The following SAMD4A variants were observed in gnomAD, a reference collection of about 807,000 sequenced individuals.
The protein encoded by SAMD4A is sterile alpha motif domain containing 4A.
A neutral mutation model predicts 81.3 loss-of-function variants in SAMD4A; 33 were observed. That is an observed-to-expected ratio of 0.41 (90% CI 0.31 to 0.54). The LOEUF (loss-of-function observed/expected upper bound fraction) is 0.54. Ranked by LOEUF, SAMD4A falls within the 20% of genes least tolerant of loss-of-function variation. The pLI is 0.37. For missense variants in SAMD4A, 854 were observed against 951.1 expected (o/e 0.90, Z 1.34); for synonymous variants, 389 against 382.1 (o/e 1.02, Z -0.21).
At chr14:54,705,476 T>TA in intron 3 of SAMD4A, among the ~76,000 whole-genome samples, 1 of 152,232 alleles carries the variant, frequency 6.6e-6, no homozygotes, top group Non-Finnish European at 1.5e-5. Context: ...AATATGATGT[T>TA]AAAAACAAAT....
intron 2 of SAMD4A, 126 bp downstream of exon 2, chr14:54,568,238 C>T (rs2033004437): frequency 2.3e-6 from 2 of 864,014 alleles, no homozygotes; most frequent in Non-Finnish European, 3.3e-6. Context: ...ACGGCGTGGC[C>T]CCGAGGCCCT....
chr14:54,574,322 A>G (rs2033222930), intron 2 of SAMD4A, among the ~76,000 whole-genome samples: 1 of 152,240 alleles, frequency 6.6e-6, no homozygotes. Context: ...TGGATTGGGC[A>G]GTCTGAGAAG....
chr14:54,773,226 T>C (rs1048565730), intron 9 of SAMD4A, among the ~76,000 whole-genome samples: 1 of 152,296 alleles, frequency 6.6e-6, no homozygotes, highest in East Asian at 1.9e-4. Flanking sequence ...AGATCTGCAC[T>C]GCTGGCTCAG....
In SAMD4A at chr14:54,747,392, C is replaced by G. The variant is rs75510267; in HGVS notation, c.980-1423C>G. On this transcript the variant is annotated intron_variant, in intron 4 of 12. Transcript: ENST00000554335. ...AGGAGATTATCCCATACCCGCATTCCCTAAACCTAGAGTTGGTTCACTCAG... is the reference window on the plus strand; with the variant it reads ...AGGAGATTATCCCATACCCGCATTCGCTAAACCTAGAGTTGGTTCACTCAG... Among the ~76,000 whole-genome samples the G allele has an allele frequency of 5.2e-3, 792 of 152,320 alleles. 3 individuals are homozygous for G. The highest frequency in any genetic ancestry group is 8.4e-3 in the Non-Finnish European group (572 of 68,032).
chr14:54,597,560 A>G (rs1594711911), intron 2 of SAMD4A, among the ~76,000 whole-genome samples: 1 of 142,488 alleles, frequency 7.0e-6, no homozygotes, highest in Admixed American at 7.1e-5. Context: ...AGTGTGAGCC[A>G]CCGCACCCGG....
chr14:54,727,307 AG>A (rs1238495168), intron 3 of SAMD4A, among the ~76,000 whole-genome samples: 4 of 148,346 alleles, frequency 2.7e-5, no homozygotes, highest in Admixed American at 1.4e-4. Flanking sequence ...CTCCTGCCTC[AG>A]CCCCCCGAGT....
intron 2 of SAMD4A, among the ~76,000 whole-genome samples, chr14:54,587,364 C>T (rs2033651500): frequency 6.6e-6 from 1 of 152,150 alleles, no homozygotes; most frequent in African/African-American, 2.4e-5. Flanking sequence ...ACAATCATAT[C>T]ATCAGCAAAC....
intron 6 of SAMD4A, among the ~76,000 whole-genome samples, chr14:54,759,283 C>T (rs1299491445): frequency 6.6e-6 from 1 of 152,204 alleles, no homozygotes; most frequent in East Asian, 1.9e-4. Flanking sequence ...GGCCCAAGGC[C>T]TCCAGGCTCA....
chr14:54,654,038 G>A (rs1023163544), intron 2 of SAMD4A, among the ~76,000 whole-genome samples: 2 of 152,202 alleles, frequency 1.3e-5, no homozygotes, highest in African/African-American at 4.8e-5. Flanking sequence ...AGACACAAAC[G>A]ATGGAGTACA....
chr14:54,568,810 G>A (rs888795062), intron 2 of SAMD4A, among the ~76,000 whole-genome samples: 3 of 146,780 alleles, frequency 2.0e-5, no homozygotes, highest in African/African-American at 7.6e-5. Flanking sequence ...AAAGGGTCTT[G>A]GAGAAAGGAC....
rs763570013 is a variant in SAMD4A at position 54,630,597 on chromosome 14, G to A, written c.196+62485G>A. Among the ~76,000 whole-genome samples the A allele has an allele frequency of 5.3e-5, 8 of 152,210 alleles. No homozygotes were observed. In the East Asian group the frequency reaches 7.7e-4, roughly 15 times the overall value. On this transcript the variant is annotated intron_variant, in intron 2 of 12. Transcript: ENST00000554335. ...AGTATTAACCCCTTATCAGATATAC[G>A]TATGAGTCTTTAGCTTTTAAGCTGT...
intron 2 of SAMD4A, among the ~76,000 whole-genome samples, chr14:54,692,604 A>G (rs1222259010): frequency 2.0e-5 from 3 of 152,180 alleles, no homozygotes; most frequent in African/African-American, 4.8e-5. Flanking sequence ...TTAAGGTACT[A>G]TTGGAGTGTC....
chr14:54,600,406 C>T (rs1224442775), intron 2 of SAMD4A, among the ~76,000 whole-genome samples: 1 of 152,150 alleles, frequency 6.6e-6, no homozygotes, highest in African/African-American at 2.4e-5. Context: ...AACAAATCTT[C>T]ATTAAGTTCA....
chr14:54,604,440 G>A (rs1293973881), intron 2 of SAMD4A, among the ~76,000 whole-genome samples: 1 of 152,214 alleles, frequency 6.6e-6, no homozygotes, highest in Non-Finnish European at 1.5e-5. Flanking sequence ...GTGATATTAG[G>A]TAAGGGGAGA....
At chr14:54,634,220 A>G (rs945486587) in intron 2 of SAMD4A, among the ~76,000 whole-genome samples, 4 of 132,022 alleles carry the variant, frequency 3.0e-5, no homozygotes, top group Admixed American at 9.2e-5. Context: ...TGGGAGGCAG[A>G]GGTTGCAGTG....
intron 2 of SAMD4A, among the ~76,000 whole-genome samples, chr14:54,580,177 C>A (rs982059031): frequency 2.0e-5 from 3 of 152,136 alleles, no homozygotes; most frequent in African/African-American, 7.2e-5. Flanking sequence ...CCAGTCGCTT[C>A]CCGACTTTGA....
At position 54,647,165 on chromosome 14, in the gene SAMD4A, T is replaced by C. The variant is rs148238978; in HGVS notation, c.197-54897T>C. On this transcript the variant is annotated intron_variant, in intron 2 of 12. Coordinates refer to ENST00000554335, the MANE Select transcript of SAMD4A (RefSeq NM_015589.6). Reference sequence around the variant, plus strand: ...CTTCCACAAGTATTATTTAAGTTTATCTTGTTTATAATAATTTTAAATGTT... The same window carrying C: ...CTTCCACAAGTATTATTTAAGTTTACCTTGTTTATAATAATTTTAAATGTT... Among the ~76,000 whole-genome samples the C allele has an allele frequency of 4.6e-5, 7 of 152,356 alleles. No individual in the cohort carries two copies. In the South Asian group the frequency reaches 1.4e-3, roughly 32 times the overall value.
intron 2 of SAMD4A, among the ~76,000 whole-genome samples, chr14:54,593,502 T>C (rs1377589502): frequency 2.0e-5 from 3 of 152,198 alleles, no homozygotes; most frequent in Non-Finnish European, 4.4e-5. Flanking sequence ...TGTAAGAAGA[T>C]GATATTTACT....
intron 2 of SAMD4A, among the ~76,000 whole-genome samples, chr14:54,626,015 GGTGTGTGTGTGTGT>G (rs71446501): frequency 1.0e-3 from 135 of 131,774 alleles, no homozygotes; most frequent in African/African-American, 3.0e-3. Context: ...TCTACTGCTA[GGTGTGTGTGTGTGT>G]GTGTGTGTGT....
Sources: gnomAD v4.1 joint callset for allele counts (sites outside exome capture counted in the v4.1 genomes callset) on GRCh38, gnomAD v4.1.1 for gene constraint, MANE v1.5 for transcripts, NCBI Gene and HGNC (gene_info 2026-07-23, HGNC 2026-07-21) for gene names.